The following BMP2K variants were observed in gnomAD, a reference collection of about 807,000 sequenced individuals.
BMP2K encodes the protein BMP-2-inducible protein kinase.
A neutral mutation model predicts 116.0 loss-of-function variants in BMP2K; 74 were observed. The observed-to-expected ratio is 0.64, with a 90% CI of 0.53 to 0.77. BMP2K has a LOEUF of 0.77. Among genes scored for constraint, BMP2K ranks in the 30% least tolerant of loss-of-function variants. BMP2K has a pLI of 0.00. For synonymous variants in BMP2K, 486 were observed against 502.5 expected, an observed-to-expected ratio of 0.97 and a Z score of 0.44; for missense variants, 1,365 against 1,403.6, an observed-to-expected ratio of 0.97 and a Z score of 0.44.
chr4:78,886,803 G>A (rs531789931), intron 14 of BMP2K, among the ~76,000 whole-genome samples: 1 of 152,282 alleles, frequency 6.6e-6, no homozygotes, highest in East Asian at 1.9e-4. Context: ...CCATTTGCAA[G>A]ATTTTTTCTA....
At chr4:78,832,084 G>A (rs1340337086) in intron 2 of BMP2K, among the ~76,000 whole-genome samples, 11 of 152,064 alleles carry the variant, frequency 7.2e-5, no homozygotes, top group African/African-American at 2.7e-4. Context: ...ATCTGTTGAT[G>A]CAGTTTAAAA....
intron 11 of BMP2K, among the ~76,000 whole-genome samples, chr4:78,871,556 A>T (rs548494151): frequency 6.6e-6 from 1 of 152,152 alleles, no homozygotes. Context: ...GTTAGAAGTC[A>T]CTCAGGTGTC....
At chr4:78,821,088 A>G (rs961387155) in intron 1 of BMP2K, among the ~76,000 whole-genome samples, 19 of 152,158 alleles carry the variant, frequency 1.2e-4, no homozygotes, top group African/African-American at 4.6e-4. Flanking sequence ...AAGAATATTT[A>G]TAGGTTCTTT....
intron 1 of BMP2K, among the ~76,000 whole-genome samples, chr4:78,787,917 A>G (rs1453540779): frequency 6.6e-6 from 1 of 151,882 alleles, no homozygotes; most frequent in Non-Finnish European, 1.5e-5. Context: ...ATTTTGCTTT[A>G]TTTTTGCTGG....
chr4:78,864,449 ATTAG>A lies in BMP2K; in HGVS notation c.1068-1104_1068-1101del, dbSNP rs1199841102. Among the ~76,000 whole-genome samples, 14 of 151,714 alleles carry A rather than the reference ATTAG, an allele frequency of 9.2e-5. No homozygotes were observed. The Middle Eastern group carries it at 0.01, about 111-fold the overall frequency. On this transcript the variant is annotated intron_variant, in intron 9 of 15. Coordinates refer to ENST00000502613, the MANE Select transcript of BMP2K (RefSeq NM_198892.2). The stretch of plus-strand genomic sequence containing the variant: ...TGTAATATCTGTATATATTTGGCCT[ATTAG>A]TTAAATTTTCATGTCTTTTACCATC...
In BMP2K at chr4:78,861,585, G is replaced by T. The variant is rs1731792280; in HGVS notation, c.1067+117G>T. ...CTTCATCCACAAAGAATGTTGTGTT[G>T]CTTATTGTATGTGGTATAATTGAGA... On this transcript the variant is annotated intron_variant, in intron 9 of 15. Coordinates refer to ENST00000502613, the MANE Select transcript of BMP2K (RefSeq NM_198892.2). 27 of 861,118 alleles carry T rather than the reference G, an allele frequency of 3.1e-5. 1 individual carries two copies. In the South Asian group the frequency reaches 4.3e-4, roughly 14 times the overall value. The allele number at this position is 861,118 out of a possible 1,614,324, so 53.3% of individuals were successfully genotyped here.
At chr4:78,870,160 T>G (rs1191938697) in intron 10 of BMP2K, among the ~76,000 whole-genome samples, 2 of 152,210 alleles carry the variant, frequency 1.3e-5, no homozygotes, top group Admixed American at 1.3e-4. Context: ...TAAATAAATA[T>G]CCATTTAGGA....
intron 10 of BMP2K, among the ~76,000 whole-genome samples, chr4:78,867,005 G>T (rs1188894814): frequency 6.6e-6 from 1 of 152,038 alleles, no homozygotes; most frequent in Non-Finnish European, 1.5e-5. Context: ...TTGAGGCCAG[G>T]AGTTCAAGAC....
intron 3 of BMP2K, among the ~76,000 whole-genome samples, chr4:78,838,125 T>G (rs1457087464): frequency 6.6e-6 from 1 of 152,192 alleles, no homozygotes; most frequent in Non-Finnish European, 1.5e-5. Flanking sequence ...TCACATCTTA[T>G]GTGGATGGCA....
chr4:78,846,962 A>G (rs757502694), intron 5 of BMP2K, among the ~76,000 whole-genome samples: 2 of 151,556 alleles, frequency 1.3e-5, no homozygotes, highest in African/African-American at 2.4e-5. Flanking sequence ...CTTTTAGATT[A>G]TTAGAAATAC....
intron 1 of BMP2K, among the ~76,000 whole-genome samples, chr4:78,808,561 C>T (rs544499051): frequency 2.6e-5 from 4 of 152,248 alleles, no homozygotes; most frequent in South Asian, 2.1e-4. Context: ...CCACCATGCC[C>T]GGCCGCTTCC....
chr4:78,858,146 C>T (rs1416365704), intron 7 of BMP2K, among the ~76,000 whole-genome samples: 1 of 151,756 alleles, frequency 6.6e-6, no homozygotes, highest in East Asian at 1.9e-4. Context: ...TAGGACTATA[C>T]GTTTGTGAAT....
At chr4:78,854,903 C>T (rs921937516) in intron 7 of BMP2K, among the ~76,000 whole-genome samples, 3 of 151,856 alleles carry the variant, frequency 2.0e-5, no homozygotes, top group African/African-American at 7.3e-5. Context: ...ACCTCACCCA[C>T]TCTCTTCTCC....
chr4:78,906,929 G>A (rs1427151644), intron 15 of BMP2K, among the ~76,000 whole-genome samples: 3 of 151,992 alleles, frequency 2.0e-5, no homozygotes, highest in African/African-American at 7.3e-5. Flanking sequence ...ATTATTATTG[G>A]GTTAGCTTTA....
intron 7 of BMP2K, among the ~76,000 whole-genome samples, chr4:78,851,970 A>C (rs1225691018): frequency 6.6e-6 from 1 of 152,092 alleles, no homozygotes; most frequent in South Asian, 2.1e-4. Context: ...TCATTTGACA[A>C]ATGTCTAAGT....
At chr4:78,810,327 C>T (rs1186881041) in intron 1 of BMP2K, among the ~76,000 whole-genome samples, 1 of 152,196 alleles carries the variant, frequency 6.6e-6, no homozygotes, top group Non-Finnish European at 1.5e-5. Context: ...CTCTACCATA[C>T]ATGTGTGTGG....
rs752560938 is a variant in BMP2K, at chr4:78,847,205, A to G, written c.686A>G (p.Tyr229Cys). The part of the protein sequence containing the change: ...EEIKKYTTLS[Y>C]RAPEMINLYG... ...ACTGCCAGGTATACAACTCTGTCAT[A>G]CAGAGCCCCTGAAATGATCAACCTT... Residue 229 changes from tyrosine (Y) to cysteine (C), a missense_variant, in exon 6 of 16, where the codon TAC (tyrosine) becomes TGC (cysteine). This residue lies in a region of BMP2K where 762 missense variants were observed against 756.7 expected (regional missense o/e 1.01). Coordinates refer to ENST00000502613, the MANE Select transcript of BMP2K (RefSeq NM_198892.2). The G allele has an allele frequency of 1.3e-6, 2 of 1,577,406 alleles. No homozygotes were observed. The highest frequency in any genetic ancestry group is 1.7e-6 in the Non-Finnish European group (2 of 1,160,170).
chr4:78,855,307 G>A (rs1158422155), intron 7 of BMP2K, among the ~76,000 whole-genome samples: 1 of 152,084 alleles, frequency 6.6e-6, no homozygotes, highest in Non-Finnish European at 1.5e-5. Context: ...CTCATTTCAG[G>A]GAAATTAAGG....
intron 2 of BMP2K, among the ~76,000 whole-genome samples, chr4:78,831,905 C>T (rs1397250018): frequency 6.6e-6 from 1 of 152,016 alleles, no homozygotes; most frequent in African/African-American, 2.4e-5. Context: ...ATCCTCTTTT[C>T]TCTTTCTCCA....
Sources: gnomAD v4.1 joint callset for allele counts (sites outside exome capture counted in the v4.1 genomes callset) on GRCh38, gnomAD v4.1.1 for gene constraint, gnomAD v4.1.1 regional missense constraint, MANE v1.5 for transcripts, NCBI Gene and HGNC (gene_info 2026-07-23, HGNC 2026-07-21) for gene names.